CNTNAP2: variants seen among roughly 807,000 people sequenced by gnomAD.
CNTNAP2 encodes the protein contactin associated protein 2.
CNTNAP2 carries 98 observed loss-of-function variants against 155.2 expected under a neutral mutation model. That is an observed-to-expected ratio of 0.63 (90% CI 0.54 to 0.75). The LOEUF is 0.75. Ranked by LOEUF, CNTNAP2 falls within the 30% of genes least tolerant of loss-of-function variation. The pLI is 0.00. For synonymous variants in CNTNAP2, 651 were observed against 631.2 expected (o/e 1.03, Z -0.47); for missense variants, 1,727 against 1,688.1 (o/e 1.02, Z -0.40).
At chr7:146,153,040 G>A (rs148887804) in intron 1 of CNTNAP2, among the ~76,000 whole-genome samples, 65 of 152,176 alleles carry the variant, frequency 4.3e-4, no homozygotes, top group African/African-American at 1.2e-3. Context: ...ATAGGGTTTC[G>A]TGTATTTCAC....
chr7:148,130,264 T>C (rs971510084), intron 16 of CNTNAP2, among the ~76,000 whole-genome samples: 1 of 152,242 alleles, frequency 6.6e-6, no homozygotes, highest in Admixed American at 6.5e-5. Flanking sequence ...TATAAAGAAA[T>C]GCTATTCTTC....
At chr7:148,397,109 A>G (rs1799486251) in intron 22 of CNTNAP2, among the ~76,000 whole-genome samples, 1 of 152,250 alleles carries the variant, frequency 6.6e-6, no homozygotes, top group African/African-American at 2.4e-5. Context: ...TGTGGTAGGC[A>G]AAGTGGACAT....
chr7:147,040,713 G>C (rs1282787769), intron 3 of CNTNAP2, among the ~76,000 whole-genome samples: 1 of 151,900 alleles, frequency 6.6e-6, no homozygotes, highest in African/African-American at 2.4e-5. Flanking sequence ...AGCCCACCTT[G>C]GTCTCCCAAA....
At chr7:146,622,943 C>T (rs981891740) in intron 1 of CNTNAP2, among the ~76,000 whole-genome samples, 9 of 141,330 alleles carry the variant, frequency 6.4e-5, no homozygotes, top group African/African-American at 8.1e-5. Context: ...GACAACAGAG[C>T]GAGACTCCAT....
At chr7:147,812,602 G>A (rs542497491) in intron 13 of CNTNAP2, among the ~76,000 whole-genome samples, 19 of 151,322 alleles carry the variant, frequency 1.3e-4, no homozygotes, top group Non-Finnish European at 2.4e-4. Flanking sequence ...CACCCTATCC[G>A]TTCAATATCC....
At chr7:146,408,696 A>G (rs1389717553) in intron 1 of CNTNAP2, among the ~76,000 whole-genome samples, 8 of 151,976 alleles carry the variant, frequency 5.3e-5, no homozygotes, top group Admixed American at 3.9e-4. Flanking sequence ...TGGGTGCAGC[A>G]CACCAACATG....
chr7:146,346,866 C>T (rs73465967), intron 1 of CNTNAP2, among the ~76,000 whole-genome samples: 3,738 of 152,040 alleles, frequency 0.025, 176 homozygotes, highest in African/African-American at 0.085. Flanking sequence ...TCCAGAGGAC[C>T]GATAGTGCAT....
intron 1 of CNTNAP2, among the ~76,000 whole-genome samples, chr7:146,293,617 T>C (rs887381919): frequency 6.6e-6 from 1 of 152,122 alleles, no homozygotes; most frequent in South Asian, 2.1e-4. Flanking sequence ...TAACTTTGAG[T>C]CTATCCCATT....
intron 21 of CNTNAP2, among the ~76,000 whole-genome samples, chr7:148,323,283 A>G (rs1041898172): frequency 2.6e-5 from 3 of 115,938 alleles, no homozygotes; most frequent in Admixed American, 9.2e-5. Flanking sequence ...TGGCTTCCCA[A>G]TTATGGATTT....
intron 9 of CNTNAP2, among the ~76,000 whole-genome samples, chr7:147,388,175 C>T (rs1005687771): frequency 1.3e-5 from 2 of 152,000 alleles, no homozygotes; most frequent in Non-Finnish European, 2.9e-5. Context: ...ATTTTGTATG[C>T]AAATTGCCCT....
At chr7:147,685,404 TATAACTC>T (rs560273011) in intron 13 of CNTNAP2, among the ~76,000 whole-genome samples, 17 of 152,144 alleles carry the variant, frequency 1.1e-4, no homozygotes, top group African/African-American at 3.9e-4. Flanking sequence ...CTCTTGGAAA[TATAACTC>T]AGAGTGTTTG....
intron 10 of CNTNAP2, among the ~76,000 whole-genome samples, chr7:147,448,148 A>C (rs756916696): frequency 5.3e-5 from 8 of 152,262 alleles, no homozygotes; most frequent in Non-Finnish European, 1.2e-4. Flanking sequence ...CTTGCAAATG[A>C]AAAGTGATAT....
At chr7:146,379,488 C>G (rs974900524) in intron 1 of CNTNAP2, among the ~76,000 whole-genome samples, 3 of 152,150 alleles carry the variant, frequency 2.0e-5, no homozygotes, top group African/African-American at 7.2e-5. Context: ...TAGAAATACT[C>G]TGTTATCTTA....
At chr7:146,601,662 G>T (rs1199057761) in intron 1 of CNTNAP2, among the ~76,000 whole-genome samples, 2 of 152,056 alleles carry the variant, frequency 1.3e-5, no homozygotes, top group Non-Finnish European at 2.9e-5. Flanking sequence ...GCGAAATTAT[G>T]TTGAAGAAAA....
intron 2 of CNTNAP2, among the ~76,000 whole-genome samples, chr7:146,833,639 A>T (rs548019057): frequency 6.6e-6 from 1 of 152,138 alleles, no homozygotes; most frequent in East Asian, 1.9e-4. Flanking sequence ...TAAGTGAGTA[A>T]TCAGCTTTCT....
chr7:146,981,100 G>A (rs920761986), intron 3 of CNTNAP2, among the ~76,000 whole-genome samples: 1 of 152,276 alleles, frequency 6.6e-6, no homozygotes, highest in East Asian at 1.9e-4. Flanking sequence ...GGAAGGAGAA[G>A]CAGAAATAAT....
intron 8 of CNTNAP2, among the ~76,000 whole-genome samples, chr7:147,230,991 T>TA (rs1385187058): frequency 6.6e-6 from 1 of 152,190 alleles, no homozygotes; most frequent in African/African-American, 2.4e-5. Context: ...TCAGGAAACT[T>TA]ACAATCATGG....
chr7:147,660,899 G>C (rs1563042733), intron 13 of CNTNAP2, among the ~76,000 whole-genome samples: 1 of 152,036 alleles, frequency 6.6e-6, no homozygotes, highest in Non-Finnish European at 1.5e-5. Context: ...GGGAGATATG[G>C]GGATATGGGG....
chr7:146,705,895 C>A (rs1800957731), intron 1 of CNTNAP2, among the ~76,000 whole-genome samples: 1 of 152,066 alleles, frequency 6.6e-6, no homozygotes, highest in African/African-American at 2.4e-5. Flanking sequence ...CATATGGTAT[C>A]CAACTCATTC....
Sources: allele counts gnomAD v4.1 joint callset (sites outside exome capture counted in the v4.1 genomes callset), GRCh38; gene constraint gnomAD v4.1.1; transcripts MANE v1.5; gene names NCBI Gene and HGNC (gene_info 2026-07-23, HGNC 2026-07-21).